HMGCLL1: variants seen among roughly 807,000 people sequenced by gnomAD.
HMGCLL1 encodes 3-hydroxymethyl-3-methylglutaryl-CoA lyase, cytoplasmic.
HMGCLL1 carries 36 observed loss-of-function variants against 39.1 expected under a neutral mutation model. The ratio of observed to expected loss-of-function variants is 0.92; its 90% CI spans 0.71 to 1.22. The LOEUF (loss-of-function observed/expected upper bound fraction) is 1.22, where lower values mean the gene tolerates loss of function less well. Among genes scored for constraint, HMGCLL1 ranks in the 50% most tolerant of loss-of-function variants. The pLI is 0.00. For synonymous variants in HMGCLL1, 149 were observed against 144.0 expected (o/e 1.03, Z -0.25); for missense variants, 451 against 416.5 (o/e 1.08, Z -0.72).
At chr6:55,537,599 G>A (rs535218068) in intron 3 of HMGCLL1, among the ~76,000 whole-genome samples, 83 of 152,248 alleles carry the variant, frequency 5.5e-4, no homozygotes, top group Non-Finnish European at 8.4e-4. Flanking sequence ...GCACTGGTCA[G>A]GAGTCAGGTG....
chr6:55,665,918 G>T, the HMGCLL1 span, among the ~76,000 whole-genome samples: 1,386 of 151,670 alleles, frequency 9.1e-3, 27 homozygotes, highest in African/African-American at 0.032. Context: ...CTATAAAGTT[G>T]GGCAAATTGA....
intron 3 of HMGCLL1, among the ~76,000 whole-genome samples, chr6:55,519,916 C>T (rs1767949225): frequency 6.6e-6 from 1 of 151,756 alleles, no homozygotes; most frequent in Non-Finnish European, 1.5e-5. Flanking sequence ...CATAATTTAA[C>T]AAAAATCTTG....
At position 55,434,953 on chromosome 6, in the gene HMGCLL1, C is replaced by T. The variant is rs1763311150; in HGVS notation, c.*709G>A. ...TTACAATTTCTCAATAGTTGAGTAACACCATGCTGGTTTTTACTATAACTG... is the reference window on the plus strand; with the variant it reads ...TTACAATTTCTCAATAGTTGAGTAATACCATGCTGGTTTTTACTATAACTG... On this transcript the variant is annotated 3_prime_UTR_variant, in exon 9 of 9. Coordinates refer to ENST00000274901, the MANE Select transcript of HMGCLL1 (RefSeq NM_001042406.2). The T allele has an allele frequency of 6.6e-6, 1 of 152,216 alleles. No individual in the cohort carries two copies. The highest frequency in any genetic ancestry group is 6.6e-5 in the Admixed American group (1 of 15,208). The allele number at this position is 152,216 out of a possible 1,614,324, so 9.4% of individuals were successfully genotyped here.
chr6:55,535,452 T>C (rs1276034053), intron 3 of HMGCLL1, among the ~76,000 whole-genome samples: 3 of 152,216 alleles, frequency 2.0e-5, no homozygotes, highest in African/African-American at 7.2e-5. Flanking sequence ...AGACCCACAG[T>C]TGCTGAGTAG....
the HMGCLL1 span, among the ~76,000 whole-genome samples, chr6:55,655,234 T>C: frequency 3.3e-5 from 5 of 151,924 alleles, no homozygotes; most frequent in African/African-American, 9.7e-5. Flanking sequence ...ACTTTCCTTC[T>C]ACTTACTAGA....
At chr6:55,544,120 C>G (rs1769815017) in intron 1 of HMGCLL1, among the ~76,000 whole-genome samples, 1 of 152,060 alleles carries the variant, frequency 6.6e-6, no homozygotes, top group Non-Finnish European at 1.5e-5. Context: ...CAATAACCCA[C>G]TGGGAGCAGC....
the HMGCLL1 span, among the ~76,000 whole-genome samples, chr6:55,656,201 C>T: frequency 1.3e-5 from 2 of 151,848 alleles, no homozygotes; most frequent in Non-Finnish European, 2.9e-5. Flanking sequence ...AACATCATTA[C>T]CTAATTCATT....
chr6:55,610,600 G>A, the HMGCLL1 span, among the ~76,000 whole-genome samples: 1 of 152,046 alleles, frequency 6.6e-6, no homozygotes, highest in East Asian at 1.9e-4. Flanking sequence ...AACCAAGATA[G>A]AAAACACACT....
the HMGCLL1 span, among the ~76,000 whole-genome samples, chr6:55,592,597 G>A: frequency 6.6e-6 from 1 of 151,982 alleles, no homozygotes; most frequent in Non-Finnish European, 1.5e-5. Context: ...CTCACTAGAT[G>A]CCAGTAGCCT....
chr6:55,472,584 C>T (rs1411739868), intron 7 of HMGCLL1, among the ~76,000 whole-genome samples: 3 of 151,324 alleles, frequency 2.0e-5, no homozygotes, highest in Non-Finnish European at 4.4e-5. Context: ...GTTATTCAAT[C>T]TTATAATATA....
At chr6:55,583,398 G>A (rs1047597024), upstream of HMGCLL1, among the ~76,000 whole-genome samples, 7 of 149,210 alleles carry the variant, frequency 4.7e-5, no homozygotes, top group Admixed American at 1.3e-4. Context: ...TCCTATGTCC[G>A]TGTGTTCTCA....
chr6:55,565,738 T>C (rs1258601439), intron 1 of HMGCLL1, among the ~76,000 whole-genome samples: 1 of 152,052 alleles, frequency 6.6e-6, no homozygotes, highest in Non-Finnish European at 1.5e-5. Context: ...TTCTAGAACA[T>C]ACATTTAGCA....
At chr6:55,655,333 C>T in the HMGCLL1 span, among the ~76,000 whole-genome samples, 2 of 151,408 alleles carry the variant, frequency 1.3e-5, no homozygotes, top group East Asian at 3.9e-4. Flanking sequence ...TTTCCCCCAA[C>T]CTCCATCCCC....
intron 3 of HMGCLL1, among the ~76,000 whole-genome samples, chr6:55,521,133 T>C (rs752278754): frequency 1.3e-5 from 2 of 152,112 alleles, no homozygotes; most frequent in Non-Finnish European, 2.9e-5. Flanking sequence ...CTGAATACTA[T>C]AATGTGTTCC....
intron 7 of HMGCLL1, among the ~76,000 whole-genome samples, chr6:55,478,853 A>G (rs1018034986): frequency 6.7e-6 from 1 of 148,594 alleles, no homozygotes; most frequent in Admixed American, 6.7e-5. Flanking sequence ...ATTTCACATC[A>G]TTTTTTTTTT....
chr6:55,601,331 T>G, the HMGCLL1 span, among the ~76,000 whole-genome samples: 4 of 152,118 alleles, frequency 2.6e-5, no homozygotes, highest in Non-Finnish European at 5.9e-5. Flanking sequence ...GGCTGACAGC[T>G]AACTGGTGAC....
intron 5 of HMGCLL1, among the ~76,000 whole-genome samples, chr6:55,509,840 A>T (rs1449106424): frequency 6.6e-6 from 1 of 151,962 alleles, no homozygotes; most frequent in East Asian, 1.9e-4. Context: ...ATAAGAAGAA[A>T]GTCAATAGTG....
the HMGCLL1 span, among the ~76,000 whole-genome samples, chr6:55,653,509 G>A: frequency 0.39 from 49,957 of 129,328 alleles, 8,416 homozygotes; most frequent in East Asian, 0.44. Flanking sequence ...AAACTACCCT[G>A]TAGGTAGAAT....
At chr6:55,644,788 T>C in the HMGCLL1 span, among the ~76,000 whole-genome samples, 3 of 152,222 alleles carry the variant, frequency 2.0e-5, no homozygotes, top group South Asian at 6.2e-4. Context: ...CCATGCTGTT[T>C]TGATTACTAT....
Sources: gnomAD v4.1 joint callset for allele counts (sites outside exome capture counted in the v4.1 genomes callset) on GRCh38, gnomAD v4.1.1 for gene constraint, MANE v1.5 for transcripts, NCBI Gene and HGNC (gene_info 2026-07-23, HGNC 2026-07-21) for gene names.